Variants in KCNK2 observed in about 807,000 individuals in gnomAD.
KCNK2 encodes potassium two pore domain channel subfamily K member 2, also known as potassium channel subfamily K member 2.
A neutral mutation model predicts 40.5 loss-of-function variants in KCNK2; 21 were observed. The ratio of observed to expected loss-of-function variants is 0.52; its 90% CI spans 0.37 to 0.75. KCNK2 has a LOEUF of 0.75. KCNK2 is among the 30% of genes least tolerant of loss of function. The pLI, the probability that KCNK2 is intolerant of heterozygous loss-of-function variation, is 0.00. For missense variants in KCNK2, 399 were observed against 531.6 expected (o/e 0.75, Z 2.45); for synonymous variants, 191 against 202.2 (o/e 0.94, Z 0.47).
At chr1:215,230,032 C>T (rs1214514957) in intron 6 of KCNK2, among the ~76,000 whole-genome samples, 2 of 140,386 alleles carry the variant, frequency 1.4e-5, no homozygotes, top group African/African-American at 2.7e-5. Context: ...TATATATATA[C>T]ATATATAGAT....
intron 2 of KCNK2, among the ~76,000 whole-genome samples, chr1:215,100,641 T>C (rs185593267): frequency 7.2e-5 from 11 of 152,136 alleles, no homozygotes; most frequent in African/African-American, 2.6e-4. Context: ...GTTCTGATGT[T>C]CCTATTGTAC....
intron 3 of KCNK2, among the ~76,000 whole-genome samples, chr1:215,129,562 T>C (rs1661577186): frequency 6.6e-6 from 1 of 151,948 alleles, no homozygotes; most frequent in Non-Finnish European, 1.5e-5. Context: ...CCCTGAATGA[T>C]GAAAATAAAT....
At chr1:215,021,784 G>T (rs1656804297) in intron 1 of KCNK2, among the ~76,000 whole-genome samples, 1 of 151,924 alleles carries the variant, frequency 6.6e-6, no homozygotes, top group Non-Finnish European at 1.5e-5. Flanking sequence ...TCCTGACCTC[G>T]TCATCCGCCC....
At chr1:215,006,083 T>C (rs1656119000) in intron 1 of KCNK2, 6 of 782,808 alleles carry the variant, frequency 7.7e-6, no homozygotes, top group Non-Finnish European at 1.3e-5. Flanking sequence ...ATTAAACTCA[T>C]TGGGTGGTTC....
chr1:215,166,130 C>G (rs1303258508), intron 3 of KCNK2, among the ~76,000 whole-genome samples: 1 of 152,048 alleles, frequency 6.6e-6, no homozygotes, highest in Non-Finnish European at 1.5e-5. Flanking sequence ...GCAGTTACCT[C>G]ACATCACCAA....
At chr1:215,158,192 C>G (rs1393518931) in intron 3 of KCNK2, among the ~76,000 whole-genome samples, 1 of 152,176 alleles carries the variant, frequency 6.6e-6, no homozygotes, top group Admixed American at 6.5e-5. Flanking sequence ...TCTTAGGTCT[C>G]TCTTCTGTTG....
intron 2 of KCNK2, among the ~76,000 whole-genome samples, chr1:215,122,614 T>G (rs1452112850): frequency 6.6e-6 from 1 of 152,110 alleles, no homozygotes; most frequent in Admixed American, 6.6e-5. Context: ...TCATTAAAGA[T>G]AAATGTCATT....
At chr1:215,031,992 C>T (rs997068277) in intron 1 of KCNK2, among the ~76,000 whole-genome samples, 5 of 152,032 alleles carry the variant, frequency 3.3e-5, no homozygotes, top group Non-Finnish European at 5.9e-5. Context: ...CTCCTGTTCT[C>T]GTATCATTGC....
chr1:215,186,418 C>G (rs1359823089), intron 5 of KCNK2, among the ~76,000 whole-genome samples: 1 of 151,982 alleles, frequency 6.6e-6, no homozygotes. Flanking sequence ...TATGAAAACT[C>G]CTATTTCTAT....
intron 6 of KCNK2, among the ~76,000 whole-genome samples, chr1:215,210,004 TA>T (rs1460718366): frequency 0.43 from 34,458 of 79,272 alleles, 6,931 homozygotes; most frequent in South Asian, 0.62. Context: ...TAATATATAT[TA>T]TATATAATAT....
chr1:215,060,578 TAGG>T (rs1287826155), intron 1 of KCNK2, among the ~76,000 whole-genome samples: 1 of 152,184 alleles, frequency 6.6e-6, no homozygotes, highest in East Asian at 1.9e-4. Context: ...TCATGCCATG[TAGG>T]AGGTGAGGGC....
intron 1 of KCNK2, among the ~76,000 whole-genome samples, chr1:215,067,376 T>C (rs1444181738): frequency 6.6e-6 from 1 of 152,088 alleles, no homozygotes; most frequent in East Asian, 1.9e-4. Flanking sequence ...TACCATGCAT[T>C]AGACATTGAG....
chr1:215,171,895 A>T, intron 4 of KCNK2, 102 bp from the exon 5 acceptor site: 1 of 788,560 alleles, frequency 1.3e-6, no homozygotes, highest in Non-Finnish European at 1.9e-6. Context: ...GTGGGTATAC[A>T]AGTAATTTCT....
intron 1 of KCNK2, among the ~76,000 whole-genome samples, chr1:215,019,601 A>T (rs1201920996): frequency 6.6e-6 from 1 of 152,236 alleles, no homozygotes; most frequent in Non-Finnish European, 1.5e-5. Context: ...TACAATTTTC[A>T]TTTGGAATAC....
intron 6 of KCNK2, among the ~76,000 whole-genome samples, chr1:215,207,387 C>A (rs1214975319): frequency 6.6e-6 from 1 of 152,202 alleles, no homozygotes; most frequent in Non-Finnish European, 1.5e-5. Context: ...GGAAGTGTTT[C>A]ATCCTGAAAC....
chr1:215,006,413 T>C (rs1656129589), intron 1 of KCNK2, among the ~76,000 whole-genome samples: 1 of 152,186 alleles, frequency 6.6e-6, no homozygotes, highest in Non-Finnish European at 1.5e-5. Flanking sequence ...ATGTGTATAT[T>C]GGGAAAAAGG....
rs184395280 is a variant in KCNK2, at chr1:215,178,720, T to A, written c.823+6537T>A. Among the ~76,000 whole-genome samples the A allele has an allele frequency of 1.5e-4, 23 of 152,298 alleles. 1 individual carries two copies. The highest frequency in any genetic ancestry group is 5.1e-4 in the African/African-American group (21 of 41,580). On this transcript the variant is annotated intron_variant, in intron 5 of 6. Coordinates refer to ENST00000444842, the MANE Select transcript of KCNK2 (RefSeq NM_001017425.3). ...TAGGAATGAAGTCTACCTGATCATG[T>A]TGAACTAACTTTTTGATGTGCTGTT...
chr1:215,200,082 T>C (rs144138120), intron 6 of KCNK2, among the ~76,000 whole-genome samples: 1 of 152,336 alleles, frequency 6.6e-6, no homozygotes, highest in Non-Finnish European at 1.5e-5. Flanking sequence ...AATGCTTCTC[T>C]ACCAATATCA....
chr1:215,214,892 T>C (rs1665895703), intron 6 of KCNK2, among the ~76,000 whole-genome samples: 1 of 152,110 alleles, frequency 6.6e-6, no homozygotes, highest in South Asian at 2.1e-4. Context: ...TTGTCCCCTA[T>C]TGGAGAAACT....
Sources: gnomAD v4.1 joint callset for allele counts (sites outside exome capture counted in the v4.1 genomes callset) on GRCh38, gnomAD v4.1.1 for gene constraint, MANE v1.5 for transcripts, NCBI Gene and HGNC (gene_info 2026-07-23, HGNC 2026-07-21) for gene names.